The following AUTS2 variants were observed in gnomAD, a reference collection of about 807,000 sequenced individuals.
The protein encoded by AUTS2 is activator of transcription and developmental regulator AUTS2.
A neutral mutation model predicts 112.4 loss-of-function variants in AUTS2; 17 were observed. That is an observed-to-expected ratio of 0.15 (90% CI 0.10 to 0.23). The LOEUF (loss-of-function observed/expected upper bound fraction) is 0.23. Among genes scored for constraint, AUTS2 ranks in the 10% least tolerant of loss-of-function variants. The pLI is 1.00. For synonymous variants in AUTS2, 751 were observed against 702.7 expected (o/e 1.07, Z -1.09); for missense variants, 1,510 against 1,701.6 (o/e 0.89, Z 1.98).
Position 69,762,293 on chromosome 7 carries a change from C to CTTTTTTT in AUTS2, c.310-136968_310-136962dup, listed in dbSNP as rs534032498. ...TTCCCAAACATTTTAGCCAAGTTGT[C>CTTTTTTT]TTTTTTTTTTTTTTTTTTTTTTTTT... On this transcript the variant is annotated intron_variant, in intron 1 of 18. Coordinates refer to ENST00000342771, the MANE Select transcript of AUTS2 (RefSeq NM_015570.4). Among the ~76,000 whole-genome samples the CTTTTTTT allele has an allele frequency of 5.8e-4, 36 of 61,592 alleles. 3 individuals are homozygous for CTTTTTTT. The highest frequency in any genetic ancestry group is 8.9e-4 in the South Asian group (1 of 1,126). The allele number at this position is 61,592 out of a possible 152,430, so 40.4% of individuals were successfully genotyped here. A position where few individuals can be genotyped will look rare whatever the true frequency, so the allele number is the denominator to read the frequency against.
intron 4 of AUTS2, among the ~76,000 whole-genome samples, chr7:70,217,137 A>T (rs1811210015): frequency 6.6e-6 from 1 of 152,210 alleles, no homozygotes; most frequent in Admixed American, 6.5e-5. Flanking sequence ...GCAAGAAAAA[A>T]TGTTATGTCC....
chr7:69,928,786 C>T lies in AUTS2; in HGVS notation c.522+29288C>T, dbSNP rs558377095. The stretch of plus-strand genomic sequence containing the variant: ...TAGGCAGCTGCAGCTGCAGCTGCAC[C>T]TGGGAGTGTGGGTTCCTGTCCCGCC... On this transcript the variant is annotated intron_variant, in intron 2 of 18. Coordinates refer to ENST00000342771, the MANE Select transcript of AUTS2 (RefSeq NM_015570.4). 4.6e-5 allele frequency among the ~76,000 whole-genome samples: 7 copies of T among 152,226 alleles called. 1 individual carries two copies. In the South Asian group the frequency reaches 1.5e-3, roughly 32 times the overall value.
Position 69,987,609 on chromosome 7 carries a change from G to T in AUTS2, c.522+88111G>T, listed in dbSNP as rs546885767. Among the ~76,000 whole-genome samples, 18 of 152,152 alleles carry T rather than the reference G, an allele frequency of 1.2e-4. No homozygotes were observed. In the East Asian group the frequency reaches 3.3e-3, roughly 28 times the overall value. The stretch of plus-strand genomic sequence containing the variant: ...AGTGTCTCTGTAGCCGGGACTACAG[G>T]TGTGCGCCACTATGCCCTGTAAATT... On this transcript the variant is annotated intron_variant, in intron 2 of 18. Transcript: ENST00000342771.
chr7:70,206,584 C>T (rs1313800375), intron 4 of AUTS2, among the ~76,000 whole-genome samples: 17 of 152,098 alleles, frequency 1.1e-4, no homozygotes, highest in Admixed American at 1.0e-3. Flanking sequence ...TTCCTGCCAC[C>T]CACCTACAAG....
At chr7:70,747,989 T>A (rs925756275) in intron 6 of AUTS2, among the ~76,000 whole-genome samples, 1 of 40,570 alleles carries the variant, frequency 2.5e-5, no homozygotes, top group Non-Finnish European at 3.7e-5. Flanking sequence ...GCCCAGCCAA[T>A]TTTTTTTTTT....
At chr7:70,264,174 C>T (rs1787301933) in intron 4 of AUTS2, among the ~76,000 whole-genome samples, 1 of 152,060 alleles carries the variant, frequency 6.6e-6, no homozygotes, top group Non-Finnish European at 1.5e-5. Flanking sequence ...TCTGTTTGAA[C>T]CTCTGATCCA....
At chr7:70,680,159 C>A (rs1585494955) in intron 5 of AUTS2, among the ~76,000 whole-genome samples, 1 of 152,024 alleles carries the variant, frequency 6.6e-6, no homozygotes, top group East Asian at 1.9e-4. Context: ...AATGGTATAT[C>A]CTACTTAGAA....
At chr7:70,035,662 G>A (rs377320494) in intron 2 of AUTS2, among the ~76,000 whole-genome samples, 17 of 152,110 alleles carry the variant, frequency 1.1e-4, no homozygotes, top group Non-Finnish European at 1.9e-4. Context: ...TCACTGGTGC[G>A]TGTTCCTCTC....
intron 5 of AUTS2, among the ~76,000 whole-genome samples, chr7:70,689,218 A>G (rs1808621253): frequency 6.6e-6 from 1 of 152,132 alleles, no homozygotes; most frequent in Non-Finnish European, 1.5e-5. Flanking sequence ...AAAATTAGCC[A>G]GATGTGTTGG....
chr7:69,937,841 G>A (rs1796475090), intron 2 of AUTS2, among the ~76,000 whole-genome samples: 1 of 152,126 alleles, frequency 6.6e-6, no homozygotes, highest in East Asian at 1.9e-4. Flanking sequence ...TTGTGGTGAA[G>A]CCCCTACCTC....
chr7:70,266,031 C>G (rs1204981577), intron 4 of AUTS2, among the ~76,000 whole-genome samples: 1 of 152,194 alleles, frequency 6.6e-6, no homozygotes, highest in East Asian at 1.9e-4. Flanking sequence ...GCAACCTGGA[C>G]ATTCTACTCC....
intron 4 of AUTS2, among the ~76,000 whole-genome samples, chr7:70,391,370 G>T (rs951649253): frequency 2.6e-5 from 4 of 152,138 alleles, no homozygotes; most frequent in African/African-American, 9.7e-5. Flanking sequence ...GAACATGTTG[G>T]TTATTTGAAT....
At chr7:69,808,954 A>G (rs929685118) in intron 1 of AUTS2, among the ~76,000 whole-genome samples, 3 of 152,130 alleles carry the variant, frequency 2.0e-5, no homozygotes, top group Non-Finnish European at 4.4e-5. Context: ...CACCCTTTTG[A>G]TGTTAAATGA....
intron 5 of AUTS2, among the ~76,000 whole-genome samples, chr7:70,458,132 T>G (rs1478123096): frequency 1.3e-5 from 2 of 152,136 alleles, no homozygotes; most frequent in Non-Finnish European, 2.9e-5. Context: ...CACCCCTCCT[T>G]CTAGAAGGAG....
chr7:69,636,796 C>T (rs190838888), intron 1 of AUTS2, among the ~76,000 whole-genome samples: 50 of 151,966 alleles, frequency 3.3e-4, no homozygotes, highest in African/African-American at 1.2e-3. Flanking sequence ...GACGGAGTCT[C>T]GTTCTGTCGC....
At chr7:70,273,104 A>G (rs1787768073) in intron 4 of AUTS2, among the ~76,000 whole-genome samples, 1 of 152,096 alleles carries the variant, frequency 6.6e-6, no homozygotes, top group African/African-American at 2.4e-5. Flanking sequence ...TCTGGAGTGC[A>G]GTGGCACGAT....
chr7:70,191,161 C>CTTTTTT (rs34637651), intron 4 of AUTS2, among the ~76,000 whole-genome samples: 165 of 86,402 alleles, frequency 1.9e-3, no homozygotes, highest in East Asian at 2.7e-3. Flanking sequence ...CCACTTATTT[C>CTTTTTT]TTTTTTTTTT....
At chr7:70,099,897 C>CAT (rs1227786357) in intron 2 of AUTS2, among the ~76,000 whole-genome samples, 1 of 152,032 alleles carries the variant, frequency 6.6e-6, no homozygotes, top group Admixed American at 6.5e-5. Context: ...TCAGTTTTTA[C>CAT]ATATATATCC....
chr7:69,943,875 T>C (rs1796713921), intron 2 of AUTS2, among the ~76,000 whole-genome samples: 2 of 152,170 alleles, frequency 1.3e-5, no homozygotes, highest in South Asian at 4.1e-4. Flanking sequence ...CAGGTAATGA[T>C]GGTACTCACT....
Sources: gnomAD v4.1 joint callset for allele counts (sites outside exome capture counted in the v4.1 genomes callset) on GRCh38, gnomAD v4.1.1 for gene constraint, MANE v1.5 for transcripts, NCBI Gene and HGNC (gene_info 2026-07-23, HGNC 2026-07-21) for gene names.